MYO3A: variants seen among roughly 807,000 people sequenced by gnomAD.
MYO3A encodes myosin IIIA.
In MYO3A, 180 loss-of-function variants were observed where a neutral mutation model predicts 192.7. The ratio of observed to expected loss-of-function variants is 0.93; its 90% confidence interval spans 0.83 to 1.06. The LOEUF is 1.06. Among genes scored for constraint, MYO3A ranks in the 50% least tolerant of loss-of-function variants. MYO3A has a pLI of 0.00. For missense variants in MYO3A, 1,896 were observed against 1,905.0 expected, an observed-to-expected ratio of 1.00 and a Z score of 0.09; for synonymous variants, 628 against 645.3, an observed-to-expected ratio of 0.97 and a Z score of 0.41.
rs1479949833 is a variant in MYO3A at position 26,122,170 on chromosome 10, TAG to T, written c.1903+1372_1903+1373del. Among the ~76,000 whole-genome samples the T allele has an allele frequency of 4.6e-5, 7 of 152,186 alleles. No homozygotes were observed. In the East Asian group the frequency reaches 9.6e-4, roughly 21 times the overall value. On this transcript the variant is annotated intron_variant, in intron 18 of 34. Transcript: ENST00000642920. ...CAGCAGCCAATGGAATGAGTTGCAA[TAG>T]AGATAGGTTGTAGATAAGAGTATAC...
At chr10:26,078,698 A>G (rs1835747098) in intron 14 of MYO3A, among the ~76,000 whole-genome samples, 2 of 151,708 alleles carry the variant, frequency 1.3e-5, no homozygotes, top group South Asian at 4.2e-4. Flanking sequence ...AGAGGTTTTG[A>G]TAGGTTGTGT....
At chr10:26,035,564 A>G (rs1331555776) in intron 10 of MYO3A, among the ~76,000 whole-genome samples, 1 of 152,206 alleles carries the variant, frequency 6.6e-6, no homozygotes, top group African/African-American at 2.4e-5. Context: ...CCCCCTGCCA[A>G]GTAATTATAC....
intron 17 of MYO3A, among the ~76,000 whole-genome samples, chr10:26,104,517 T>A (rs1837670612): frequency 6.6e-6 from 1 of 152,178 alleles, no homozygotes; most frequent in South Asian, 2.1e-4. Context: ...GGACTCTCAA[T>A]TCTATCTCAT....
chr10:26,209,051 T>C (rs1844103894), intron 34 of MYO3A, among the ~76,000 whole-genome samples: 1 of 152,120 alleles, frequency 6.6e-6, no homozygotes, highest in South Asian at 2.1e-4. Flanking sequence ...AACTTCCTCC[T>C]CTCTCCTCAA....
intron 4 of MYO3A, among the ~76,000 whole-genome samples, chr10:25,956,555 T>G (rs28657699): frequency 0.091 from 13,597 of 149,138 alleles, 1,099 homozygotes; most frequent in African/African-American, 0.21. Flanking sequence ...TGTTGGCCAG[T>G]CTGGTCTCAA....
chr10:26,078,445 A>G (rs541236400), intron 14 of MYO3A, among the ~76,000 whole-genome samples: 1 of 152,054 alleles, frequency 6.6e-6, no homozygotes, highest in South Asian at 2.1e-4. Flanking sequence ...ATCTTTTCAA[A>G]GAACCAGCTT....
intron 6 of MYO3A, among the ~76,000 whole-genome samples, chr10:26,011,668 A>G (rs1841671459): frequency 6.6e-6 from 1 of 152,314 alleles, no homozygotes; most frequent in African/African-American, 2.4e-5. Flanking sequence ...CTATTCACTG[A>G]ATTCTATCAG....
Position 25,994,437 on chromosome 10 carries a change from A to G in MYO3A, c.304-2053A>G, listed in dbSNP as rs1331886569. On this transcript the variant is annotated intron_variant, in intron 4 of 34. Coordinates refer to ENST00000642920, the MANE Select transcript of MYO3A (RefSeq NM_017433.5). ...CACATGAGATGGGTCTCCTGAATACAGCACACTGATGGGTCTTGACTCTTT... is the reference window on the plus strand; with the variant it reads ...CACATGAGATGGGTCTCCTGAATACGGCACACTGATGGGTCTTGACTCTTT... Among the ~76,000 whole-genome samples the G allele has an allele frequency of 2.0e-5, 3 of 152,220 alleles. No individual in the cohort carries two copies. The East Asian group carries it at 5.8e-4, about 29-fold the overall frequency.
chr10:26,089,269 C>T (rs1005806841), intron 15 of MYO3A, among the ~76,000 whole-genome samples: 1 of 152,094 alleles, frequency 6.6e-6, no homozygotes, highest in Admixed American at 6.5e-5. Flanking sequence ...TGGAGTCCAG[C>T]TCCTAATATG....
At chr10:26,058,807 T>A (rs1834283200) in intron 10 of MYO3A, among the ~76,000 whole-genome samples, 1 of 152,236 alleles carries the variant, frequency 6.6e-6, no homozygotes, top group South Asian at 2.1e-4. Flanking sequence ...ACCTGACATC[T>A]TGATAATATT....
At chr10:26,157,635 T>C (rs1841223349) in intron 26 of MYO3A, 120 bp downstream of exon 26, 7 of 1,051,238 alleles carry the variant, frequency 6.7e-6, no homozygotes, top group Non-Finnish European at 9.9e-6. Context: ...ATTTTGTTCA[T>C]GCAAATGATT....
intron 21 of MYO3A, among the ~76,000 whole-genome samples, chr10:26,144,840 C>G (rs920051822): frequency 3.3e-5 from 5 of 152,074 alleles, no homozygotes; most frequent in African/African-American, 9.7e-5. Flanking sequence ...CACCCCAAAC[C>G]TACTGAGTCA....
At chr10:26,179,089 ATTT>A (rs59025321) in intron 31 of MYO3A, among the ~76,000 whole-genome samples, 22 of 66,132 alleles carry the variant, frequency 3.3e-4, no homozygotes, top group East Asian at 2.0e-3. Flanking sequence ...GCCCAGCCTA[ATTT>A]TTTTTTTTTT....
chr10:26,079,843 G>A (rs1270468741), intron 14 of MYO3A, among the ~76,000 whole-genome samples: 1 of 152,170 alleles, frequency 6.6e-6, no homozygotes, highest in Non-Finnish European at 1.5e-5. Flanking sequence ...GCTGAAGATA[G>A]GGTCCCAATT....
At chr10:25,978,127 A>T (rs1193594813) in intron 4 of MYO3A, among the ~76,000 whole-genome samples, 1 of 152,140 alleles carries the variant, frequency 6.6e-6, no homozygotes, top group East Asian at 1.9e-4. Flanking sequence ...ATCTTGTTTT[A>T]ATAATTTATT....
In MYO3A at chr10:26,147,618, C is replaced by G. The variant is rs1314425412; in HGVS notation, c.2635+59C>G. 21 of 1,609,254 alleles carry G rather than the reference C, an allele frequency of 1.3e-5. No homozygotes were observed. The Admixed American group carries it at 1.5e-4, about 12-fold the overall frequency. ...AAGCCCAATCAAATAGTTTCTATCT[C>G]TGCGCTTTTCACTAATTTCATCCTT... is the stretch of plus-strand genomic sequence containing the variant. On this transcript the variant is annotated intron_variant, in intron 23 of 34. Coordinates refer to ENST00000642920, the MANE Select transcript of MYO3A (RefSeq NM_017433.5).
intron 20 of MYO3A, among the ~76,000 whole-genome samples, chr10:26,142,070 T>C (rs544655721): frequency 5.3e-5 from 8 of 152,356 alleles, no homozygotes; most frequent in African/African-American, 1.9e-4. Flanking sequence ...TCAAATTATA[T>C]TTGAACTTTG....
chr10:26,108,055 C>T (rs116039632), intron 17 of MYO3A, among the ~76,000 whole-genome samples: 1,660 of 152,084 alleles, frequency 0.011, 38 homozygotes, highest in African/African-American at 0.038. Flanking sequence ...CCTTATGTCC[C>T]ATAGGTTGTA....
intron 10 of MYO3A, among the ~76,000 whole-genome samples, chr10:26,043,149 GTCTCTCTCTC>G (rs59621862): frequency 4.5e-4 from 64 of 143,326 alleles, no homozygotes; most frequent in Non-Finnish European, 4.8e-4. Context: ...GCCAAACAGA[GTCTCTCTCTC>G]TCTCTCTCTC....
Sources: gnomAD v4.1 joint callset for allele counts (sites outside exome capture counted in the v4.1 genomes callset) on GRCh38, gnomAD v4.1.1 for gene constraint, MANE v1.5 for transcripts, NCBI Gene and HGNC (gene_info 2026-07-23, HGNC 2026-07-21) for gene names.